The following SDK1 variants were observed in gnomAD, a reference collection of about 807,000 sequenced individuals.
SDK1 encodes the protein protein sidekick-1.
A neutral mutation model predicts 245.5 loss-of-function variants in SDK1; 157 were observed. The ratio of observed to expected loss-of-function variants is 0.64; its 90% confidence interval spans 0.56 to 0.73. SDK1 has a LOEUF of 0.73. Ranked by LOEUF, SDK1 falls within the 30% of genes least tolerant of loss-of-function variation. The probability of loss-of-function intolerance (pLI) is 0.00; values close to 1 mark genes in which losing one functional copy is unlikely to be tolerated. For synonymous variants in SDK1, 1,647 were observed against 1,278.5 expected, an observed-to-expected ratio of 1.29 and a Z score of -6.15; for missense variants, 3,583 against 3,002.3, an observed-to-expected ratio of 1.19 and a Z score of -4.52.
At chr7:3,842,929 A>C (rs1364954505) in intron 5 of SDK1, among the ~76,000 whole-genome samples, 1 of 152,170 alleles carries the variant, frequency 6.6e-6, no homozygotes, top group Admixed American at 6.5e-5. Flanking sequence ...AAGGATTCCC[A>C]GAAGAACATG....
chr7:4,186,118 A>C (rs1159300271), intron 35 of SDK1, among the ~76,000 whole-genome samples: 1 of 152,180 alleles, frequency 6.6e-6, no homozygotes. Context: ...AACGAAACAA[A>C]ATAGCAAAGC....
At chr7:3,490,080 C>G (rs1035124244) in intron 1 of SDK1, among the ~76,000 whole-genome samples, 3 of 152,102 alleles carry the variant, frequency 2.0e-5, no homozygotes, top group African/African-American at 7.2e-5. Context: ...GAATTATTCT[C>G]TTCATATTTA....
intron 1 of SDK1, among the ~76,000 whole-genome samples, chr7:3,463,936 G>C (rs967519668): frequency 6.6e-6 from 1 of 152,180 alleles, no homozygotes; most frequent in Non-Finnish European, 1.5e-5. Flanking sequence ...TGTAACCTCA[G>C]GGCTTTTTCT....
At chr7:3,484,065 T>A (rs1321985241) in intron 1 of SDK1, among the ~76,000 whole-genome samples, 1 of 152,220 alleles carries the variant, frequency 6.6e-6, no homozygotes, top group Non-Finnish European at 1.5e-5. Context: ...TTGGGGATAC[T>A]CCAAATATTC....
At chr7:3,703,886 T>A (rs1027702028) in intron 4 of SDK1, among the ~76,000 whole-genome samples, 5 of 152,238 alleles carry the variant, frequency 3.3e-5, no homozygotes, top group Admixed American at 6.5e-5. Flanking sequence ...ATTTTATTTC[T>A]GCACATTTTA....
At chr7:3,453,033 C>T (rs1780563965) in intron 1 of SDK1, among the ~76,000 whole-genome samples, 1 of 152,164 alleles carries the variant, frequency 6.6e-6, no homozygotes, top group Non-Finnish European at 1.5e-5. Context: ...GCCATTGCCT[C>T]CTCAGCTCTG....
In SDK1 at chr7:4,096,183, C is replaced by G. The variant is rs918748736; in HGVS notation, c.3325-14480C>G. ...TCAAGGCTTAGAAATCCCAGAGTCTCCTGGAATAAGACACTCAGATCCCCT... is the reference window on the plus strand; with the variant it reads ...TCAAGGCTTAGAAATCCCAGAGTCTGCTGGAATAAGACACTCAGATCCCCT... On this transcript the variant is annotated intron_variant, in intron 22 of 44. Coordinates refer to ENST00000404826, the MANE Select transcript of SDK1 (RefSeq NM_152744.4). Among the ~76,000 whole-genome samples, 29 of 152,342 alleles carry G rather than the reference C, an allele frequency of 1.9e-4. 1 individual carries two copies. Among genetic ancestry groups the G allele is most frequent in the African/African-American group, 6.7e-4 (28 of 41,584 alleles).
At chr7:3,553,106 C>G (rs560350147) in intron 1 of SDK1, among the ~76,000 whole-genome samples, 7 of 152,162 alleles carry the variant, frequency 4.6e-5, no homozygotes, top group African/African-American at 1.7e-4. Context: ...TCTTTCTGGT[C>G]TTTCCTATTC....
rs1246975500 is a variant in SDK1, at chr7:4,266,022, C to T, written c.*638C>T. 8 of 985,538 alleles carry T rather than the reference C, an allele frequency of 8.1e-6. No homozygotes were observed. In the East Asian group the frequency reaches 9.1e-4, roughly 112 times the overall value. 61.0% of individuals were successfully genotyped at this position (985,538 alleles called of 1,614,324 possible). On this transcript the variant is annotated 3_prime_UTR_variant, in exon 45 of 45. Coordinates refer to ENST00000404826, the MANE Select transcript of SDK1 (RefSeq NM_152744.4). ...ATGCTAAGGTGTGGCTCAGCCGTCA[C>T]TGTCTGTGTCACTGCAGTGGTGCGG...
chr7:3,464,017 T>A (rs1780913385), intron 1 of SDK1, among the ~76,000 whole-genome samples: 1 of 152,238 alleles, frequency 6.6e-6, no homozygotes. Context: ...TTCATTTATA[T>A]TTCTCTGATA....
chr7:4,231,608 C>G (rs1271189277), intron 40 of SDK1, among the ~76,000 whole-genome samples: 1 of 142,222 alleles, frequency 7.0e-6, no homozygotes. Context: ...AAAGAAAGAG[C>G]AAGAGAGAAA....
chr7:3,554,789 C>G (rs1409149668), intron 1 of SDK1, among the ~76,000 whole-genome samples: 1 of 151,880 alleles, frequency 6.6e-6, no homozygotes, highest in African/African-American at 2.4e-5. Flanking sequence ...TTGTCTATGC[C>G]AAAAACAAAC....
In SDK1 at chr7:4,145,877, G is replaced by C. The variant is rs1406124596; in HGVS notation, c.4384G>C (p.Glu1462Gln). 6.2e-7 allele frequency: 1 copy of C among 1,612,940 alleles called. No individual in the cohort carries two copies. Among genetic ancestry groups the C allele is most frequent in the South Asian group, 1.1e-5 (1 of 90,970 alleles). The change falls in exon 29 of 45, where the codon GAG becomes CAG. Residue 1462 changes from glutamate (E) to glutamine (Q), a missense_variant. Coordinates refer to ENST00000404826, the MANE Select transcript of SDK1 (RefSeq NM_152744.4). ...LSAKTRQGWG[E>Q]PLEATVITTE... ...CGCCAAGACGAGGCAGGGCTGGGGG[G>C]AGCCACTGGAGGCCACCGTCATCAC... is the stretch of plus-strand genomic sequence containing the variant.
Position 3,493,025 on chromosome 7 carries a change from A to G in SDK1, c.299-126055A>G, listed in dbSNP as rs1562520420. ...GAGTGCAGTGGCGTGATCTCTGCTC[A>G]CTGCAAGGTCTGCCTCCCGGGTTCA... On this transcript the variant is annotated intron_variant, in intron 1 of 44. Transcript: ENST00000404826. Among the ~76,000 whole-genome samples the G allele has an allele frequency of 2.0e-5, 3 of 152,198 alleles. No homozygotes were observed. In the South Asian group the frequency reaches 6.2e-4, roughly 32 times the overall value.
Position 4,201,785 on chromosome 7 carries a change from A to T in SDK1, c.5099-4094A>T, listed in dbSNP as rs1783900376. 4.7e-5 allele frequency among the ~76,000 whole-genome samples: 7 copies of T among 148,808 alleles called. No individual in the cohort carries two copies. The South Asian group carries it at 1.5e-3, about 32-fold the overall frequency. Reference sequence around the variant, plus strand: ...AGGGTGGCTTTGGCAACAACAGATTACTGGCATGGCACAGGGAGGCTTTGG... The same window carrying T: ...AGGGTGGCTTTGGCAACAACAGATTTCTGGCATGGCACAGGGAGGCTTTGG... On this transcript the variant is annotated intron_variant, in intron 35 of 44. Coordinates refer to ENST00000404826, the MANE Select transcript of SDK1 (RefSeq NM_152744.4).
chr7:3,615,155 G>T (rs180851400), intron 1 of SDK1, among the ~76,000 whole-genome samples: 2 of 151,622 alleles, frequency 1.3e-5, no homozygotes, highest in South Asian at 2.1e-4. Flanking sequence ...TGACTCATTC[G>T]TGTAGGACAC....
At chr7:4,062,114 CT>C in intron 19 of SDK1, among the ~76,000 whole-genome samples, 1 of 151,492 alleles carries the variant, frequency 6.6e-6, no homozygotes, top group East Asian at 1.9e-4. Context: ...CACATGTACC[CT>C]AAAACTTAAA....
At chr7:4,041,340 GT>G (rs1253882404) in intron 17 of SDK1, among the ~76,000 whole-genome samples, 1 of 150,258 alleles carries the variant, frequency 6.7e-6, no homozygotes, top group Middle Eastern at 3.2e-3. Flanking sequence ...TGAGTAGAAA[GT>G]TAAAAGAGTT....
At chr7:3,346,823 ATATATTT>A (rs1427268388) in intron 1 of SDK1, among the ~76,000 whole-genome samples, 18 of 28,232 alleles carry the variant, frequency 6.4e-4, no homozygotes, top group Non-Finnish European at 1.1e-3. Context: ...ATATATATAT[ATATATTT>A]TTTTTTTTTT....
Sources: allele counts gnomAD v4.1 joint callset (sites outside exome capture counted in the v4.1 genomes callset), GRCh38; gene constraint gnomAD v4.1.1; transcripts MANE v1.5; gene names NCBI Gene and HGNC (gene_info 2026-07-23, HGNC 2026-07-21).